IL1RAP: variants seen among roughly 807,000 people sequenced by gnomAD.
IL1RAP encodes the protein interleukin-1 receptor accessory protein.
Under a neutral mutation model 60.7 loss-of-function variants are expected in IL1RAP, and 35 were observed. The ratio of observed to expected loss-of-function variants is 0.58; its 90% CI spans 0.44 to 0.76. The LOEUF (loss-of-function observed/expected upper bound fraction) is 0.76, where lower values mean the gene tolerates loss of function less well. IL1RAP is among the 30% of genes least tolerant of loss of function. The probability of loss-of-function intolerance (pLI) is 0.00; values close to 1 mark genes in which losing one functional copy is unlikely to be tolerated. For synonymous variants in IL1RAP, 268 were observed against 250.9 expected (o/e 1.07, Z -0.64); for missense variants, 572 against 693.9 (o/e 0.82, Z 1.97).
chr3:190,651,270 A>C lies in IL1RAP; in HGVS notation c.*2565A>C. On this transcript the variant is annotated 3_prime_UTR_variant, in exon 12 of 12. Coordinates refer to ENST00000447382, the MANE Select transcript of IL1RAP (RefSeq NM_002182.4). ...ATAGAGTGTCTAATTACAAAATCAT[A>C]TACGATTTATTTAATTCTCTTCTGT... is the stretch of plus-strand genomic sequence containing the variant. 1.0e-6 allele frequency: 1 copy of C among 963,428 alleles called. No homozygotes were observed. Among genetic ancestry groups the C allele is most frequent in the African/African-American group, 1.8e-5 (1 of 56,922 alleles). The allele number at this position is 963,428 out of a possible 1,614,324, so 59.7% of individuals were successfully genotyped here. A position where few individuals can be genotyped will look rare whatever the true frequency, so the allele number is the denominator to read the frequency against.
chr3:190,628,528 A>G (rs1220096284), intron 8 of IL1RAP, among the ~76,000 whole-genome samples: 1 of 152,212 alleles, frequency 6.6e-6, no homozygotes, highest in Non-Finnish European at 1.5e-5. Flanking sequence ...CAGCTGTAGC[A>G]GAGAGATTTT....
intron 1 of IL1RAP, among the ~76,000 whole-genome samples, chr3:190,548,037 T>C (rs1004381217): frequency 5.9e-5 from 9 of 152,092 alleles, no homozygotes; most frequent in African/African-American, 2.2e-4. Context: ...TCTGAAAGAA[T>C]TGGGGGAATG....
At position 190,601,732 on chromosome 3, in the gene IL1RAP, C is replaced by T. The variant is rs149148850; in HGVS notation, c.65-2396C>T. Among the ~76,000 whole-genome samples, 85 of 152,202 alleles carry T rather than the reference C, an allele frequency of 5.6e-4. 1 individual carries two copies. The highest frequency in any genetic ancestry group is 2.0e-3 in the African/African-American group (83 of 41,508). On this transcript the variant is annotated intron_variant, in intron 3 of 11. Coordinates refer to ENST00000447382, the MANE Select transcript of IL1RAP (RefSeq NM_002182.4). The stretch of plus-strand genomic sequence containing the variant: ...TTTGCTTCTGAGTCTGTATCTTGTG[C>T]GGCTCAGCTCGTCCAGGCCGGACTT...
chr3:190,541,384 A>G (rs771281639), intron 1 of IL1RAP, among the ~76,000 whole-genome samples: 2 of 152,186 alleles, frequency 1.3e-5, no homozygotes, highest in Non-Finnish European at 2.9e-5. Context: ...AAAGAAGGTG[A>G]AGAATCTTTT....
At chr3:190,523,667 C>G (rs867573638) in intron 1 of IL1RAP, among the ~76,000 whole-genome samples, 1 of 152,132 alleles carries the variant, frequency 6.6e-6, no homozygotes, top group Admixed American at 6.5e-5. Flanking sequence ...TGGTCCCCAG[C>G]TCTATCCATG....
intron 3 of IL1RAP, among the ~76,000 whole-genome samples, chr3:190,591,677 A>T (rs1728951769): frequency 6.6e-6 from 1 of 152,194 alleles, no homozygotes; most frequent in Non-Finnish European, 1.5e-5. Flanking sequence ...AGCCCCTAGC[A>T]CTCACAGGAT....
In IL1RAP at chr3:190,644,319, A is replaced by G. The variant is rs141817756; in HGVS notation, c.1123A>G (p.Ile375Val). 1.2e-6 allele frequency: 2 copies of G among 1,612,632 alleles called. No individual in the cohort carries two copies. Among genetic ancestry groups the G allele is most frequent in the African/African-American group, 2.7e-5 (2 of 74,994 alleles). ...CACAGTCCTGCTAGTGGTGATTCTC[A>G]TTGTTGTTTACCATGTTTACTGGCT... is the stretch of plus-strand genomic sequence containing the variant. The part of the protein sequence containing the change: ...GATVLLVVIL[I>V]VVYHVYWLEM... Residue 375 changes from isoleucine to valine, a missense_variant, in exon 10 of 12, where the codon ATT becomes GTT. Coordinates refer to ENST00000447382, the MANE Select transcript of IL1RAP (RefSeq NM_002182.4).
intron 3 of IL1RAP, among the ~76,000 whole-genome samples, chr3:190,601,952 G>A (rs574125867): frequency 9.7e-4 from 148 of 152,230 alleles, no homozygotes; most frequent in Non-Finnish European, 1.6e-3. Context: ...AGTTTAGATC[G>A]TCACACACCA....
chr3:190,539,230 G>A (rs534148124), intron 1 of IL1RAP, among the ~76,000 whole-genome samples: 1 of 152,126 alleles, frequency 6.6e-6, no homozygotes, highest in Non-Finnish European at 1.5e-5. Flanking sequence ...CTATATCTGT[G>A]TATCTGTGAT....
intron 1 of IL1RAP, chr3:190,520,411 T>C (rs997214725): frequency 6.6e-6 from 1 of 151,620 alleles, no homozygotes; most frequent in African/African-American, 2.4e-5. Context: ...CAGACAATGA[T>C]AAGGAGTCAT....
intron 4 of IL1RAP, among the ~76,000 whole-genome samples, chr3:190,606,594 T>G (rs1332315219): frequency 1.3e-5 from 2 of 152,208 alleles, no homozygotes; most frequent in African/African-American, 2.4e-5. Context: ...TCTAATCTTC[T>G]TTTACATTAT....
intron 1 of IL1RAP, among the ~76,000 whole-genome samples, chr3:190,535,605 A>G (rs1347419929): frequency 1.3e-5 from 2 of 152,190 alleles, no homozygotes; most frequent in Admixed American, 1.3e-4. Flanking sequence ...TCTGATCACA[A>G]TATTTCTTAA....
In IL1RAP at chr3:190,648,651, G is replaced by A. The variant is rs1041791525; in HGVS notation, c.1659G>A (p.Arg553=). 1 of 1,614,140 alleles carries A rather than the reference G, an allele frequency of 6.2e-7. No individual in the cohort carries two copies. Among genetic ancestry groups the A allele is most frequent in the South Asian group, 1.1e-5 (1 of 91,072 alleles). The change falls in exon 12 of 12, where the codon AGG becomes AGA. Residue 553 remains arginine, a synonymous_variant. Coordinates refer to ENST00000447382, the MANE Select transcript of IL1RAP (RefSeq NM_002182.4). ...CCATGCCAGTGAAGAAAAGTCCCAG[G>A]CGGTCTAGCAGTGATGAGCAGGGCC... ...QVAMPVKKSP[R]RSSSDEQGLS... is the part of the protein sequence containing the mutation.
chr3:190,609,042 A>C lies in IL1RAP; in HGVS notation c.398A>C (p.Gln133Pro). The change falls in exon 5 of 12, where the codon CAA becomes CCA. Residue 133 changes from glutamine to proline, a missense_variant. Physicochemically the swap from Gln to Pro is moderately conservative, Grantham distance 76. Coordinates refer to ENST00000447382, the MANE Select transcript of IL1RAP (RefSeq NM_002182.4). ...GTTGCATTTCCCTTGGAAGTTGTTC[A>C]AAAAGACAGCTGTTTCAATTCCCCC... Reference protein sequence around the residue: ...SKVAFPLEVVQKDSCFNSPMK... With the variant: ...SKVAFPLEVVPKDSCFNSPMK... 6.2e-7 allele frequency: 1 copy of C among 1,613,528 alleles called. No individual in the cohort carries two copies. Among genetic ancestry groups the C allele is most frequent in the Non-Finnish European group, 8.5e-7 (1 of 1,179,658 alleles).
intron 3 of IL1RAP, among the ~76,000 whole-genome samples, chr3:190,576,913 A>ACCATCCT (rs1560183267): frequency 5.3e-5 from 8 of 152,118 alleles, no homozygotes; most frequent in South Asian, 2.1e-4. Context: ...GGAGATCGAG[A>ACCATCCT]GCACGGTGAA....
exon 12 of IL1RAP, chr3:190,659,629 G>T (rs1015411950): frequency 1.1e-4 from 17 of 152,100 alleles, no homozygotes; most frequent in African/African-American, 4.1e-4. Flanking sequence ...CTACTTAGTT[G>T]CATGAGTTTT....
Position 190,649,963 on chromosome 3 carries a change from A to G in IL1RAP, c.*1258A>G. The G allele has an allele frequency of 1.4e-6, 1 of 730,568 alleles. No homozygotes were observed. Among genetic ancestry groups the G allele is most frequent in the Non-Finnish European group, 1.7e-6 (1 of 597,772 alleles). 45.3% of individuals were successfully genotyped at this position (730,568 alleles called of 1,614,324 possible). A position where few individuals can be genotyped will look rare whatever the true frequency, so the allele number is the denominator to read the frequency against. The stretch of plus-strand genomic sequence containing the variant: ...ATATATATACACACGTGTATATGAG[A>G]TATATATCTTATATCTCCACAAACA... On this transcript the variant is annotated 3_prime_UTR_variant, in exon 12 of 12. Transcript: ENST00000447382.
At chr3:190,592,922 C>T (rs1171698499) in intron 3 of IL1RAP, among the ~76,000 whole-genome samples, 1 of 151,964 alleles carries the variant, frequency 6.6e-6, no homozygotes, top group Non-Finnish European at 1.5e-5. Context: ...ATGGAACTGC[C>T]ACTTCAAATT....
chr3:190,656,364 C>T (rs200719088), downstream of IL1RAP: 163 of 1,537,160 alleles, frequency 1.1e-4, no homozygotes, highest in East Asian at 1.7e-3. Flanking sequence ...GGAAGTCCTC[C>T]GCCACCTGCC....
Sources: gnomAD v4.1 joint callset for allele counts (sites outside exome capture counted in the v4.1 genomes callset) on GRCh38, gnomAD v4.1.1 for gene constraint, MANE v1.5 for transcripts, NCBI Gene and HGNC (gene_info 2026-07-23, HGNC 2026-07-21) for gene names.